Variants in KCNMA1 observed in about 807,000 individuals in gnomAD.
The protein encoded by KCNMA1 is Calcium-activated potassium channel subunit alpha-1.
Under a neutral mutation model 140.0 loss-of-function variants are expected in KCNMA1, and 29 were observed. The ratio of observed to expected loss-of-function variants is 0.21; its 90% CI spans 0.15 to 0.28. The LOEUF (loss-of-function observed/expected upper bound fraction) is 0.28. Ranked by LOEUF, KCNMA1 falls within the 10% of genes least tolerant of loss-of-function variation. The probability of loss-of-function intolerance (pLI) is 1.00; values close to 1 mark genes in which losing one functional copy is unlikely to be tolerated. For synonymous variants in KCNMA1, 612 were observed against 611.9 expected, an observed-to-expected ratio of 1.00 and a Z score of 0.00; for missense variants, 880 against 1,602.2, an observed-to-expected ratio of 0.55 and a Z score of 7.70.
intron 6 of KCNMA1, among the ~76,000 whole-genome samples, chr10:77,118,095 T>C (rs113087931): frequency 0.012 from 1,855 of 152,340 alleles, 37 homozygotes; most frequent in African/African-American, 0.042. Context: ...CAAATTGCAT[T>C]GCAAAGCCTC....
chr10:77,072,530 C>T (rs1186089091), intron 14 of KCNMA1, among the ~76,000 whole-genome samples: 3 of 152,126 alleles, frequency 2.0e-5, no homozygotes, highest in South Asian at 2.1e-4. Flanking sequence ...ACATCCAGAC[C>T]GCCTGTCTCT....
intron 6 of KCNMA1, among the ~76,000 whole-genome samples, chr10:77,120,767 C>G (rs1158426215): frequency 3.3e-5 from 5 of 152,120 alleles, no homozygotes; most frequent in Admixed American, 3.3e-4. Context: ...AGCTATTTCT[C>G]TCTTTTCACC....
rs2093891257 is a variant in KCNMA1, at chr10:77,637,545, T to C, written c.98A>G (p.His33Arg). 1 of 1,544,770 alleles carries C rather than the reference T, an allele frequency of 6.5e-7. No homozygotes were observed. Reference sequence around the variant, plus strand: ...GGAGGAGGACGCGTCTAGGCTGAGATGGTTCGCGTGGATATTGCTACTCAT... The same window carrying C: ...GGAGGAGGACGCGTCTAGGCTGAGACGGTTCGCGTGGATATTGCTACTCAT... ...LRMSSNIHAN[H>R]LSLDASSSSS... is the part of the protein sequence containing the mutation. The change falls in exon 1 of 28, where the codon CAT becomes CGT. Residue 33 changes from histidine to arginine, a missense_variant. By Grantham distance (29) the His-to-Arg change is conservative. Transcript: ENST00000286628.
intron 1 of KCNMA1, among the ~76,000 whole-genome samples, chr10:77,500,685 A>C (rs1464525197): frequency 6.6e-6 from 1 of 152,222 alleles, no homozygotes; most frequent in Admixed American, 6.5e-5. Flanking sequence ...AAATTGTCAA[A>C]AATAAGAGGA....
rs1186064357 is a variant in KCNMA1, at chr10:77,636,495, C to T, written c.378+770G>A. 6 of 1,536,062 alleles carry T rather than the reference C, an allele frequency of 3.9e-6. No homozygotes were observed. The South Asian group carries it at 4.8e-5, about 12-fold the overall frequency. ...AGCTCCGCGCTGCTGGTGGCATTTC[C>T]GGGGACCCAAAGTGGGTGGCCTGGG... On this transcript the variant is annotated intron_variant, in intron 1 of 27. Coordinates refer to ENST00000286628, the MANE Select transcript of KCNMA1 (RefSeq NM_001161352.2).
chr10:77,094,626 C>T (rs572232820), intron 9 of KCNMA1, among the ~76,000 whole-genome samples: 2 of 152,312 alleles, frequency 1.3e-5, no homozygotes, highest in East Asian at 3.9e-4. Context: ...CTAAGCCAAA[C>T]TTAACTGAAG....
chr10:77,556,957 A>G (rs1255209859), intron 1 of KCNMA1, among the ~76,000 whole-genome samples: 1 of 152,252 alleles, frequency 6.6e-6, no homozygotes, highest in Non-Finnish European at 1.5e-5. Context: ...TCACTGAGGC[A>G]ATAGAGCATG....
chr10:77,523,210 C>CG (rs1555416274), intron 1 of KCNMA1, among the ~76,000 whole-genome samples: 2 of 150,174 alleles, frequency 1.3e-5, no homozygotes, highest in Non-Finnish European at 3.0e-5. Flanking sequence ...CGTGCCCCCC[C>CG]CCCTTGCAAT....
intron 2 of KCNMA1, among the ~76,000 whole-genome samples, chr10:77,277,369 G>A (rs897467519): frequency 6.6e-6 from 1 of 152,158 alleles, no homozygotes; most frequent in East Asian, 1.9e-4. Context: ...TCCACGATGG[G>A]TCTGGGCCAG....
At chr10:77,173,250 A>G (rs983965116) in intron 5 of KCNMA1, among the ~76,000 whole-genome samples, 1 of 152,204 alleles carries the variant, frequency 6.6e-6, no homozygotes, top group African/African-American at 2.4e-5. Context: ...CTGGTAAGTT[A>G]TTAAAAATGT....
Position 77,108,636 on chromosome 10 carries a change from C to A in KCNMA1, c.1132-64G>T. ...GGCCAAAGAAAAGGGGGGACCTGTTCAGAGGGTGGGGGCACTAAGATCTGA... is the reference window on the plus strand; with the variant it reads ...GGCCAAAGAAAAGGGGGGACCTGTTAAGAGGGTGGGGGCACTAAGATCTGA... On this transcript the variant is annotated intron_variant, in intron 8 of 27. Transcript: ENST00000286628. The surrounding 1 kb of genome is among the most constrained non-coding windows in gnomAD (Gnocchi z 4.6). 8.3e-7 allele frequency: 1 copy of A among 1,206,344 alleles called. No homozygotes were observed. The allele number at this position is 1,206,344 out of a possible 1,614,324, so 74.7% of individuals were successfully genotyped here.
At chr10:77,179,796 C>G (rs1240873335) in intron 5 of KCNMA1, among the ~76,000 whole-genome samples, 6 of 152,162 alleles carry the variant, frequency 3.9e-5, no homozygotes, top group Non-Finnish European at 2.9e-5. Context: ...GGGGAAATGA[C>G]AAGTCCTGCC....
At chr10:77,154,819 A>G (rs2098464337) in intron 5 of KCNMA1, among the ~76,000 whole-genome samples, 1 of 152,254 alleles carries the variant, frequency 6.6e-6, no homozygotes, top group Non-Finnish European at 1.5e-5. Flanking sequence ...AAACAACTAA[A>G]CAATGAAGCA....
intron 12 of KCNMA1, among the ~76,000 whole-genome samples, chr10:77,083,177 A>G (rs930198550): frequency 6.6e-6 from 1 of 152,152 alleles, no homozygotes; most frequent in African/African-American, 2.4e-5. Context: ...CACTGAATTT[A>G]GCTCAACTCT....
At chr10:77,538,626 A>C (rs1232167377) in intron 1 of KCNMA1, among the ~76,000 whole-genome samples, 1 of 152,118 alleles carries the variant, frequency 6.6e-6, no homozygotes, top group Admixed American at 6.5e-5. Context: ...TCCCAGGCTA[A>C]TATGGAGTCC....
At chr10:77,489,850 C>T (rs1210823636) in intron 1 of KCNMA1, among the ~76,000 whole-genome samples, 1 of 152,196 alleles carries the variant, frequency 6.6e-6, no homozygotes, top group Non-Finnish European at 1.5e-5. Flanking sequence ...TGGCCTCTGG[C>T]CTCTGGTCAA....
intron 2 of KCNMA1, among the ~76,000 whole-genome samples, chr10:77,393,548 G>A (rs932434320): frequency 6.6e-6 from 1 of 152,200 alleles, no homozygotes; most frequent in Non-Finnish European, 1.5e-5. Flanking sequence ...CACTCGCCCA[G>A]GGTAAAAGCC....
chr10:77,196,082 C>T (rs191594431), intron 3 of KCNMA1, among the ~76,000 whole-genome samples: 55 of 152,282 alleles, frequency 3.6e-4, no homozygotes, highest in Non-Finnish European at 6.6e-4. Context: ...CTTGCTTCCT[C>T]CTGCAGGCCC....
At chr10:77,548,279 A>C (rs1458422252) in intron 1 of KCNMA1, among the ~76,000 whole-genome samples, 3 of 152,182 alleles carry the variant, frequency 2.0e-5, no homozygotes, top group Non-Finnish European at 4.4e-5. Context: ...AGGCCAAACC[A>C]ACATGCCTGG....
Sources: allele counts gnomAD v4.1 joint callset (sites outside exome capture counted in the v4.1 genomes callset), GRCh38; gene constraint gnomAD v4.1.1; non-coding constraint Gnocchi (gnomAD v3.1); transcripts MANE v1.5; gene names NCBI Gene and HGNC (gene_info 2026-07-23, HGNC 2026-07-21).